The following ATP2B2 variants were observed in gnomAD, a reference collection of about 807,000 sequenced individuals.
The protein encoded by ATP2B2 is plasma membrane calcium-transporting ATPase 2.
ATP2B2 carries 15 observed loss-of-function variants against 120.0 expected under a neutral mutation model. The observed-to-expected ratio is 0.12, with a 90% confidence interval of 0.08 to 0.19. ATP2B2 has a LOEUF of 0.19. Ranked by LOEUF, ATP2B2 falls within the 10% of genes least tolerant of loss-of-function variation. The pLI, the probability that ATP2B2 is intolerant of heterozygous loss-of-function variation, is 1.00. For missense variants in ATP2B2, 1,045 were observed against 1,719.8 expected (o/e 0.61, Z 6.94); for synonymous variants, 694 against 700.3 (o/e 0.99, Z 0.14).
chr3:10,533,434 T>A (rs1559444478), intron 3 of ATP2B2, among the ~76,000 whole-genome samples: 1 of 152,236 alleles, frequency 6.6e-6, no homozygotes, highest in Non-Finnish European at 1.5e-5. Context: ...AGATGAGGGA[T>A]CTGAGACTCA....
In ATP2B2 at chr3:10,556,857, G is replaced by A. The variant is rs139065538; in HGVS notation, c.-414-22724C>T. ...TGAATTCTTACAGCAACCCTCTGGGGTGGGTACAATTGTCCCTATTTTGCA... is the reference window on the plus strand; with the variant it reads ...TGAATTCTTACAGCAACCCTCTGGGATGGGTACAATTGTCCCTATTTTGCA... On this transcript the variant is annotated intron_variant, in intron 2 of 21. Coordinates refer to the ATP2B2 transcript ENST00000646379. 6.6e-4 allele frequency among the ~76,000 whole-genome samples: 101 copies of A among 152,286 alleles called. 1 individual carries two copies. Among genetic ancestry groups the A allele is most frequent in the African/African-American group, 2.2e-3 (93 of 41,560 alleles).
Position 10,378,255 on chromosome 3 carries a change from C to T in ATP2B2, c.1198G>A (p.Ala400Thr). 6.2e-7 allele frequency: 1 copy of T among 1,606,682 alleles called. No homozygotes were observed. Among genetic ancestry groups the T allele is most frequent in the Non-Finnish European group, 8.5e-7 (1 of 1,179,908 alleles). ...GCCTCCCACCTGCTGCACTCACCCG[C>T]CTTCCCGATCTGCACAGCCAGCTTG... ...LTKLAVQIGK[A>T]GLVMSAITVI... The change falls in exon 10 of 23, where the codon GCG (alanine) becomes ACG (threonine). Residue 400 changes from alanine (A) to threonine (T), a missense_variant. Around this residue, in one of 11 missense-constraint regions of ATP2B2, gnomAD observed 343 missense variants for 536.8 expected, o/e 0.64. Coordinates refer to ENST00000360273, the MANE Select transcript of ATP2B2 (RefSeq NM_001001331.4).
intron 2 of ATP2B2, among the ~76,000 whole-genome samples, chr3:10,607,799 G>T (rs1575551580): frequency 1.3e-5 from 2 of 152,206 alleles, no homozygotes; most frequent in East Asian, 3.9e-4. Flanking sequence ...TAGATTTGGA[G>T]GGTGTGTGGA....
At chr3:10,505,704 C>G (rs1208715797), upstream of ATP2B2, 1 of 111,082 alleles carries the variant, frequency 9.0e-6, no homozygotes, top group Non-Finnish European at 1.8e-5. Context: ...CTGCCGCTGC[C>G]GGAGGCTGGG....
At chr3:10,372,495 T>A (rs2061271807) in intron 11 of ATP2B2, among the ~76,000 whole-genome samples, 3 of 152,178 alleles carry the variant, frequency 2.0e-5, no homozygotes, top group Non-Finnish European at 2.9e-5. Context: ...CTCATTTTAA[T>A]TTTACCAAAA....
At chr3:10,599,375 C>T (rs1391539922) in intron 2 of ATP2B2, among the ~76,000 whole-genome samples, 1 of 152,196 alleles carries the variant, frequency 6.6e-6, no homozygotes, top group Admixed American at 6.5e-5. Flanking sequence ...TAGACTCCTG[C>T]TCATGCTCCC....
chr3:10,634,168 C>T (rs903287556), intron 1 of ATP2B2, among the ~76,000 whole-genome samples: 1 of 152,206 alleles, frequency 6.6e-6, no homozygotes, highest in Non-Finnish European at 1.5e-5. Context: ...TGAATCAACC[C>T]AGGAACCTCC....
intron 2 of ATP2B2, among the ~76,000 whole-genome samples, chr3:10,586,241 G>A (rs1346309237): frequency 6.6e-6 from 1 of 152,142 alleles, no homozygotes; most frequent in African/African-American, 2.4e-5. Context: ...GTAACCTGGG[G>A]CCCTTAGCTC....
intron 2 of ATP2B2, among the ~76,000 whole-genome samples, chr3:10,568,939 T>G (rs2125541404): frequency 6.6e-6 from 1 of 152,310 alleles, no homozygotes; most frequent in Non-Finnish European, 1.5e-5. Context: ...AGAAAGAATA[T>G]AGAGTTGCCA....
At chr3:10,676,104 A>G (rs2125697202) in intron 1 of ATP2B2, among the ~76,000 whole-genome samples, 1 of 152,340 alleles carries the variant, frequency 6.6e-6, no homozygotes, top group East Asian at 1.9e-4. Context: ...TGGTGCATTG[A>G]ACACTTAGCA....
At chr3:10,698,106 T>C (rs1023104753) in intron 1 of ATP2B2, among the ~76,000 whole-genome samples, 2 of 152,250 alleles carry the variant, frequency 1.3e-5, no homozygotes, top group Non-Finnish European at 2.9e-5. Context: ...AGATAAGTCC[T>C]GGTCCATTTA....
At chr3:10,632,280 GACT>G (rs1225814329) in intron 1 of ATP2B2, among the ~76,000 whole-genome samples, 1 of 152,192 alleles carries the variant, frequency 6.6e-6, no homozygotes, top group Admixed American at 6.5e-5. Flanking sequence ...TGCTGGGTGT[GACT>G]ACTCCCATAG....
At chr3:10,472,904 C>T (rs2065069295) in intron 1 of ATP2B2, among the ~76,000 whole-genome samples, 1 of 152,194 alleles carries the variant, frequency 6.6e-6, no homozygotes, top group South Asian at 2.1e-4. Flanking sequence ...ATCTCAGTAG[C>T]CCCAGTTGTA....
intron 1 of ATP2B2, among the ~76,000 whole-genome samples, chr3:10,707,282 T>A (rs757341834): frequency 6.6e-6 from 1 of 152,100 alleles, no homozygotes; most frequent in Non-Finnish European, 1.5e-5. Context: ...GGGTTAGGGC[T>A]GTGGCCAGGG....
chr3:10,668,130 G>A (rs777449508), intron 1 of ATP2B2, among the ~76,000 whole-genome samples: 11 of 152,224 alleles, frequency 7.2e-5, no homozygotes, highest in Admixed American at 1.3e-4. Context: ...CTCCCAGCCT[G>A]TAAGATAGGA....
chr3:10,658,838 C>A (rs2070707316), intron 1 of ATP2B2, among the ~76,000 whole-genome samples: 1 of 151,860 alleles, frequency 6.6e-6, no homozygotes, highest in South Asian at 2.1e-4. Flanking sequence ...TAAGGGCAGC[C>A]AGAGAGAAAG....
chr3:10,622,610 G>A (rs1347764685), intron 1 of ATP2B2, among the ~76,000 whole-genome samples: 1 of 152,156 alleles, frequency 6.6e-6, no homozygotes, highest in African/African-American at 2.4e-5. Flanking sequence ...GGAGGCTGAA[G>A]CCATCCCAGC....
At chr3:10,345,305 G>C in intron 18 of ATP2B2, 79 bp downstream of exon 18, 1 of 1,519,728 alleles carries the variant, frequency 6.6e-7, no homozygotes, top group Admixed American at 1.7e-5. Flanking sequence ...GGACAACCTG[G>C]AGTACCCTAA....
intron 1 of ATP2B2, among the ~76,000 whole-genome samples, chr3:10,625,296 T>C (rs2069664867): frequency 6.6e-6 from 1 of 152,182 alleles, no homozygotes; most frequent in Non-Finnish European, 1.5e-5. Context: ...AAAAATGCCA[T>C]ACCTTGGGAC....
Sources: gnomAD v4.1 joint callset for allele counts (sites outside exome capture counted in the v4.1 genomes callset) on GRCh38, gnomAD v4.1.1 for gene constraint, gnomAD v4.1.1 regional missense constraint, MANE v1.5 for transcripts, NCBI Gene and HGNC (gene_info 2026-07-23, HGNC 2026-07-21) for gene names.